FTO: variants seen among roughly 807,000 people sequenced by gnomAD.
FTO encodes the protein FTO alpha-ketoglutarate dependent dioxygenase.
A neutral mutation model predicts 63.9 loss-of-function variants in FTO; 47 were observed. The observed-to-expected ratio is 0.74, with a 90% CI of 0.58 to 0.94. The LOEUF (loss-of-function observed/expected upper bound fraction) is 0.94, where lower values mean the gene tolerates loss of function less well. Ranked by LOEUF, FTO falls within the 40% of genes least tolerant of loss-of-function variation. The pLI, the probability that FTO is intolerant of heterozygous loss-of-function variation, is 0.00. For synonymous variants in FTO, 207 were observed against 224.4 expected (o/e 0.92, Z 0.69); for missense variants, 562 against 618.1 (o/e 0.91, Z 0.96).
At chr16:53,712,188 A>C (rs1567919044) in intron 1 of FTO, among the ~76,000 whole-genome samples, 1 of 152,080 alleles carries the variant, frequency 6.6e-6, no homozygotes, top group South Asian at 2.1e-4. Context: ...CAAATTTGGC[A>C]TTTTATTGAG....
intron 1 of FTO, among the ~76,000 whole-genome samples, chr16:53,721,830 G>C (rs1186411984): frequency 6.6e-6 from 1 of 152,152 alleles, no homozygotes; most frequent in East Asian, 1.9e-4. Context: ...GTCACCCTCT[G>C]ACCCCATATT....
chr16:53,848,821 G>A (rs2079706806), intron 4 of FTO, among the ~76,000 whole-genome samples: 1 of 152,096 alleles, frequency 6.6e-6, no homozygotes, highest in Admixed American at 6.6e-5. Flanking sequence ...CAGGACAAAG[G>A]TGAGTGCTAG....
In FTO at chr16:53,934,023, C is replaced by T. The variant is rs369237250; in HGVS notation, c.1278C>T (p.Leu426=). 1.6e-5 allele frequency: 26 copies of T among 1,613,918 alleles called. No homozygotes were observed. The highest frequency in any genetic ancestry group is 1.6e-4 in the Middle Eastern group (1 of 6,062). The change falls in exon 8 of 9, where the codon CTC becomes CTT. Residue 426 remains leucine, a synonymous_variant. Coordinates refer to ENST00000471389, the MANE Select transcript of FTO (RefSeq NM_001080432.3). ...TTCATGAAGTTAAAAGAGAGGGGCT[C>T]CCCGTGGAACAAAGGAATGAAATCT... is the stretch of plus-strand genomic sequence containing the variant. ...AVLHEVKREG[L]PVEQRNEILT...
At chr16:53,883,491 G>A (rs560044788) in intron 6 of FTO, among the ~76,000 whole-genome samples, 5 of 151,954 alleles carry the variant, frequency 3.3e-5, no homozygotes, top group South Asian at 2.1e-4. Context: ...GTGTGGTGGC[G>A]GGCGCCTGTA....
chr16:53,985,451 T>C (rs2083643901), intron 8 of FTO, among the ~76,000 whole-genome samples: 1 of 152,184 alleles, frequency 6.6e-6, no homozygotes, highest in Non-Finnish European at 1.5e-5. Context: ...AGTTTTGGTG[T>C]AGGATGACCA....
chr16:53,933,970 GATC>G lies in FTO; in HGVS notation c.1240-12_1240-10del. On this transcript the variant is annotated splice_polypyrimidine_tract_variant and intron_variant, in intron 7 of 8. Transcript: ENST00000471389. Reference sequence around the variant, plus strand: ...TTTCACTTTTTCTTTCTCTGTTTTGGATCATTTCTTGTAGACAAATGCTGTGCT... The same window carrying G: ...TTTCACTTTTTCTTTCTCTGTTTTGGATTTCTTGTAGACAAATGCTGTGCT... 3.1e-6 allele frequency: 5 copies of G among 1,612,704 alleles called. No homozygotes were observed. Among genetic ancestry groups the G allele is most frequent in the Non-Finnish European group, 4.2e-6 (5 of 1,179,290 alleles).
intron 8 of FTO, among the ~76,000 whole-genome samples, chr16:54,107,670 A>G (rs2086788645): frequency 6.6e-6 from 1 of 152,206 alleles, no homozygotes; most frequent in Non-Finnish European, 1.5e-5. Context: ...GCAAGGAAGC[A>G]TGGCCGGCAT....
At chr16:54,090,388 G>A (rs559009478) in intron 8 of FTO, among the ~76,000 whole-genome samples, 1 of 152,324 alleles carries the variant, frequency 6.6e-6, no homozygotes, top group East Asian at 1.9e-4. Flanking sequence ...AAGGGAAATG[G>A]GGAGTTTGTT....
At chr16:53,894,632 T>TTGTGTG (rs77253276) in intron 7 of FTO, among the ~76,000 whole-genome samples, 3,637 of 150,862 alleles carry the variant, frequency 0.024, 65 homozygotes, top group Non-Finnish European at 0.035. Flanking sequence ...TCACCAATTT[T>TTGTGTG]TGTGTGTGTG....
intron 8 of FTO, among the ~76,000 whole-genome samples, chr16:54,110,999 A>G (rs1339965535): frequency 1.3e-5 from 2 of 152,188 alleles, no homozygotes; most frequent in African/African-American, 4.8e-5. Flanking sequence ...CCAAGGTGTA[A>G]GAACGTTGCC....
intron 8 of FTO, among the ~76,000 whole-genome samples, chr16:54,108,539 G>A (rs1209578486): frequency 1.3e-5 from 2 of 152,100 alleles, no homozygotes; most frequent in African/African-American, 2.4e-5. Flanking sequence ...TAGAGGCTAC[G>A]CACCCAGTTA....
chr16:53,742,359 G>A (rs968165184), intron 1 of FTO, among the ~76,000 whole-genome samples: 11 of 152,178 alleles, frequency 7.2e-5, no homozygotes, highest in Non-Finnish European at 4.4e-5. Flanking sequence ...GAAAGTCTGG[G>A]AAGGCAAGTT....
At position 53,983,159 on chromosome 16, in the gene FTO, A is replaced by G. The variant is rs116528761; in HGVS notation, c.1364+49050A>G. Among the ~76,000 whole-genome samples the G allele has an allele frequency of 7.0e-3, 1,073 of 152,276 alleles. 10 individuals are homozygous for G. The highest frequency in any genetic ancestry group is 0.024 in the African/African-American group (1,016 of 41,570). On this transcript the variant is annotated intron_variant, in intron 8 of 8. Coordinates refer to ENST00000471389, the MANE Select transcript of FTO (RefSeq NM_001080432.3). Reference sequence around the variant, plus strand: ...TGGTCCTCATTATAAAAAATATATCATGAAGAATGATGGTTTTTCTCCATC... The same window carrying G: ...TGGTCCTCATTATAAAAAATATATCGTGAAGAATGATGGTTTTTCTCCATC...
chr16:53,825,080 A>G (rs958340938), intron 2 of FTO, among the ~76,000 whole-genome samples: 1 of 152,226 alleles, frequency 6.6e-6, no homozygotes, highest in Non-Finnish European at 1.5e-5. Flanking sequence ...TCATTCATCC[A>G]TGCACAAATC....
chr16:53,917,709 AGT>A (rs35549801), intron 7 of FTO, among the ~76,000 whole-genome samples: 10,151 of 142,814 alleles, frequency 0.071, 371 homozygotes, highest in South Asian at 0.092. Context: ...AAATTGAGTG[AGT>A]GTGTGTGTGT....
chr16:53,861,550 C>CT (rs1177153114), intron 4 of FTO, among the ~76,000 whole-genome samples: 1 of 152,082 alleles, frequency 6.6e-6, no homozygotes, highest in African/African-American at 2.4e-5. Flanking sequence ...TCCCTTCTGC[C>CT]TTTAACTTTA....
chr16:53,817,511 C>G (rs774094825), intron 2 of FTO, among the ~76,000 whole-genome samples: 24 of 152,298 alleles, frequency 1.6e-4, no homozygotes, highest in South Asian at 1.5e-3. Context: ...ATACAGTCCT[C>G]TAAAATCAGA....
intron 7 of FTO, among the ~76,000 whole-genome samples, chr16:53,912,775 G>A (rs576957443): frequency 6.6e-6 from 1 of 152,246 alleles, no homozygotes; most frequent in East Asian, 1.9e-4. Context: ...CATTTTCCTG[G>A]GTAGTGCTGG....
chr16:54,105,460 A>G (rs1302598689), intron 8 of FTO, among the ~76,000 whole-genome samples: 1 of 152,198 alleles, frequency 6.6e-6, no homozygotes, highest in Non-Finnish European at 1.5e-5. Context: ...GCAGCCAGCC[A>G]GATGTCCAGG....
Sources: gnomAD v4.1 joint callset for allele counts (sites outside exome capture counted in the v4.1 genomes callset) on GRCh38, gnomAD v4.1.1 for gene constraint, MANE v1.5 for transcripts, NCBI Gene and HGNC (gene_info 2026-07-23, HGNC 2026-07-21) for gene names.